RALGAPA2: variants seen among roughly 807,000 people sequenced by gnomAD.
RALGAPA2 encodes Ral GTPase activating protein catalytic subunit alpha 2, also known as ral GTPase-activating protein subunit alpha-2.
Under a neutral mutation model 230.4 loss-of-function variants are expected in RALGAPA2, and 139 were observed. The observed-to-expected ratio is 0.60, with a 90% confidence interval of 0.53 to 0.69. The LOEUF is 0.69. RALGAPA2 is among the 30% of genes least tolerant of loss of function. The pLI is 0.00. For synonymous variants in RALGAPA2, 847 were observed against 837.8 expected (o/e 1.01, Z -0.19); for missense variants, 2,163 against 2,276.0 (o/e 0.95, Z 1.01).
At chr20:20,546,917 C>G in intron 23 of RALGAPA2, 85 bp from the exon 24 acceptor site, 2 of 1,340,454 alleles carry the variant, frequency 1.5e-6, no homozygotes, top group Non-Finnish European at 2.0e-6. Flanking sequence ...CATATGACCA[C>G]TGTATAATAA....
intron 5 of RALGAPA2, among the ~76,000 whole-genome samples, chr20:20,641,934 C>A (rs924960843): frequency 6.6e-6 from 1 of 151,612 alleles, no homozygotes; most frequent in African/African-American, 2.4e-5. Context: ...ACAGACACCC[C>A]AGCTGGTGAC....
At chr20:20,563,908 GAC>G (rs11468121) in intron 23 of RALGAPA2, among the ~76,000 whole-genome samples, 12,496 of 151,394 alleles carry the variant, frequency 0.083, 728 homozygotes, top group East Asian at 0.16. Context: ...TATACACATA[GAC>G]ACACACACAC....
At chr20:20,613,668 T>C (rs1306364199) in intron 13 of RALGAPA2, among the ~76,000 whole-genome samples, 1 of 152,158 alleles carries the variant, frequency 6.6e-6, no homozygotes, top group Non-Finnish European at 1.5e-5. Context: ...TTGGCCATCA[T>C]CTTGTCCTTC....
intron 36 of RALGAPA2, among the ~76,000 whole-genome samples, chr20:20,475,355 A>G (rs147540829): frequency 1.0e-3 from 159 of 152,266 alleles, no homozygotes; most frequent in African/African-American, 3.6e-3. Context: ...AAAAAAGGAC[A>G]ATATATCTTA....
At chr20:20,444,600 G>T (rs1046903988) in intron 37 of RALGAPA2, among the ~76,000 whole-genome samples, 9 of 152,090 alleles carry the variant, frequency 5.9e-5, no homozygotes, top group Admixed American at 5.2e-4. Context: ...CTTACTGGAA[G>T]GATAACTCCT....
intron 38 of RALGAPA2, among the ~76,000 whole-genome samples, chr20:20,397,787 C>A (rs944825746): frequency 6.6e-6 from 1 of 152,216 alleles, no homozygotes. Flanking sequence ...ACGTGCACTG[C>A]TATGGAGACA....
intron 1 of RALGAPA2, among the ~76,000 whole-genome samples, chr20:20,693,608 C>T (rs910833142): frequency 6.6e-6 from 1 of 152,178 alleles, no homozygotes; most frequent in African/African-American, 2.4e-5. Context: ...GTGTTTACAG[C>T]TGTCGAATAA....
rs750736114 is a variant in RALGAPA2 at position 20,526,378 on chromosome 20, G to A, written c.3583-16C>T. 4.0e-6 allele frequency: 6 copies of A among 1,506,140 alleles called. No individual in the cohort carries two copies. The highest frequency in any genetic ancestry group is 2.3e-5 in the East Asian group (1 of 44,046). The allele number at this position is 1,506,140 out of a possible 1,614,324, so 93.3% of individuals were successfully genotyped here. On this transcript the variant is annotated splice_polypyrimidine_tract_variant and intron_variant, in intron 27 of 39. Coordinates refer to ENST00000202677, the MANE Select transcript of RALGAPA2 (RefSeq NM_020343.4). The stretch of plus-strand genomic sequence containing the variant: ...TGTTGGGAAACTATAAAAGGAAACC[G>A]AATCCCAAAGCAGACACATAACTTA...
intron 3 of RALGAPA2, among the ~76,000 whole-genome samples, chr20:20,662,048 T>TA (rs2067799522): frequency 1.3e-5 from 2 of 152,136 alleles, no homozygotes; most frequent in Admixed American, 1.3e-4. Flanking sequence ...CTTTGAGAAA[T>TA]AAAATAGGCA....
rs1476825662 is a variant in RALGAPA2 at position 20,472,883 on chromosome 20, G to A, written c.5441C>T (p.Thr1814Met). ...GKLLPSLVCA[T>M]CINASRAVKC... ...CACAGCCCTGCTGGCGTTGATGCACGTGGCACATACAAGGCTTGGCAGCAG... is the reference window on the plus strand; with the variant it reads ...CACAGCCCTGCTGGCGTTGATGCACATGGCACATACAAGGCTTGGCAGCAG... Residue 1814 changes from threonine (T) to methionine (M), a missense_variant, in exon 37 of 40, where the codon ACG (threonine) becomes ATG (methionine). Physicochemically the swap from Thr to Met is moderately conservative, Grantham distance 81 (BLOSUM62 -1). Transcript: ENST00000202677. 5.0e-6 allele frequency: 8 copies of A among 1,613,608 alleles called. No homozygotes were observed. Among genetic ancestry groups the A allele is most frequent in the Admixed American group, 1.7e-5 (1 of 59,948 alleles).
chr20:20,400,735 A>G (rs1006342786), intron 38 of RALGAPA2, among the ~76,000 whole-genome samples: 3 of 152,192 alleles, frequency 2.0e-5, no homozygotes, highest in Non-Finnish European at 2.9e-5. Context: ...GAGGACCCGA[A>G]CATTCACAGC....
chr20:20,460,559 A>G (rs373934671), intron 37 of RALGAPA2, among the ~76,000 whole-genome samples: 2 of 152,206 alleles, frequency 1.3e-5, no homozygotes, highest in African/African-American at 2.4e-5. Context: ...AGACTTGACC[A>G]TAAGGGTCCA....
Position 20,412,106 on chromosome 20 carries a change from G to A in RALGAPA2, c.5538C>T (p.Asn1846=). The A allele has an allele frequency of 6.2e-7, 1 of 1,613,978 alleles. No individual in the cohort carries two copies. The highest frequency in any genetic ancestry group is 8.5e-7 in the Non-Finnish European group (1 of 1,179,872). The change falls in exon 38 of 40, where the codon AAC becomes AAT. Residue 1846 remains asparagine, a synonymous_variant. Coordinates refer to ENST00000202677, the MANE Select transcript of RALGAPA2 (RefSeq NM_020343.4). ...RALYLEAIIQ[N]HREVMTFEDF... Reference sequence around the variant, plus strand: ...CCTCGAATGTCATTACTTCGCGGTGGTTCTGAATTATTGCTTCGAGATACA... The same window carrying A: ...CCTCGAATGTCATTACTTCGCGGTGATTCTGAATTATTGCTTCGAGATACA...
rs1170507356 is a variant in RALGAPA2 at position 20,712,200 on chromosome 20, C to T, written c.106+175G>A. 6.6e-6 allele frequency among the ~76,000 whole-genome samples: 1 copy of T among 152,078 alleles called. No individual in the cohort carries two copies. Among genetic ancestry groups the T allele is most frequent in the Non-Finnish European group, 1.5e-5 (1 of 68,002 alleles). On this transcript the variant is annotated intron_variant, in intron 1 of 39. Transcript: ENST00000202677. This position sits in a 1 kb window ranked among gnomAD's most constrained non-coding sequence, Gnocchi z 5.5. ...GGAGCAGTGCCCGAGGGCCAGGCTG[C>T]GGCTTTCTGGAAACAAAGCCCCGGG...
chr20:20,423,156 A>T (rs2060313057), intron 37 of RALGAPA2, among the ~76,000 whole-genome samples: 1 of 152,126 alleles, frequency 6.6e-6, no homozygotes, highest in African/African-American at 2.4e-5. Flanking sequence ...CCTGGGATCA[A>T]GGTGTAAGTG....
At chr20:20,706,997 A>T (rs2069633216) in intron 1 of RALGAPA2, among the ~76,000 whole-genome samples, 1 of 152,110 alleles carries the variant, frequency 6.6e-6, no homozygotes, top group Non-Finnish European at 1.5e-5. Context: ...TAAGGTCCAG[A>T]TCCCATGTCC....
At chr20:20,529,282 A>AG (rs1042549219) in intron 27 of RALGAPA2, among the ~76,000 whole-genome samples, 1 of 152,122 alleles carries the variant, frequency 6.6e-6, no homozygotes, top group East Asian at 1.9e-4. Context: ...TGCTATCCAG[A>AG]GGGGGGAGGA....
intron 17 of RALGAPA2, 119 bp downstream of exon 17, chr20:20,591,058 A>G: frequency 1.7e-6 from 2 of 1,195,256 alleles, no homozygotes; most frequent in Non-Finnish European, 2.2e-6. Flanking sequence ...TCAAATTAAA[A>G]AGGTAATTCC....
intron 20 of RALGAPA2, among the ~76,000 whole-genome samples, chr20:20,581,105 T>C (rs2064971189): frequency 1.3e-5 from 2 of 152,200 alleles, no homozygotes; most frequent in South Asian, 2.1e-4. Context: ...TCTATATTAG[T>C]ATTTCAAAGA....
Sources: gnomAD v4.1 joint callset for allele counts (sites outside exome capture counted in the v4.1 genomes callset) on GRCh38, gnomAD v4.1.1 for gene constraint, Gnocchi (gnomAD v3.1) non-coding constraint, MANE v1.5 for transcripts, NCBI Gene and HGNC (gene_info 2026-07-23, HGNC 2026-07-21) for gene names.